The following NRG1 variants were observed in gnomAD, a reference collection of about 807,000 sequenced individuals.
NRG1 encodes the protein neuregulin 1.
In NRG1, 18 loss-of-function variants were observed where a neutral mutation model predicts 63.8. The ratio of observed to expected loss-of-function variants is 0.28; its 90% CI spans 0.19 to 0.42. The LOEUF is 0.42. NRG1 is among the 10% of genes least tolerant of loss of function. NRG1 has a pLI of 1.00. For missense variants in NRG1, 762 were observed against 814.7 expected, an observed-to-expected ratio of 0.94 and a Z score of 0.79; for synonymous variants, 302 against 301.3, an observed-to-expected ratio of 1.00 and a Z score of -0.02.
At chr8:32,172,543 G>A (rs1411564238) in intron 1 of NRG1, among the ~76,000 whole-genome samples, 6 of 152,046 alleles carry the variant, frequency 3.9e-5, no homozygotes, top group African/African-American at 1.4e-4. Context: ...AAACTACTCT[G>A]AGCTAAAGGA....
At chr8:32,095,639 C>G (rs963486792) in intron 1 of NRG1, among the ~76,000 whole-genome samples, 1 of 152,160 alleles carries the variant, frequency 6.6e-6, no homozygotes, top group Non-Finnish European at 1.5e-5. Flanking sequence ...TGCCTTATGA[C>G]TGTCCTGATA....
At chr8:32,314,295 C>T (rs1291915125) in intron 1 of NRG1, among the ~76,000 whole-genome samples, 1 of 152,174 alleles carries the variant, frequency 6.6e-6, no homozygotes, top group Non-Finnish European at 1.5e-5. Context: ...GCTATGCTTA[C>T]AAAAGCTGGG....
chr8:32,687,801 G>T (rs1313666470), intron 5 of NRG1, among the ~76,000 whole-genome samples: 1 of 152,174 alleles, frequency 6.6e-6, no homozygotes, highest in Non-Finnish European at 1.5e-5. Flanking sequence ...TTATCCACGT[G>T]CTGAACATTT....
chr8:31,753,340 A>T (rs944570643), intron 1 of NRG1, among the ~76,000 whole-genome samples: 1 of 148,912 alleles, frequency 6.7e-6, no homozygotes, highest in African/African-American at 2.4e-5. Context: ...GTCATCAAAA[A>T]AAAAACCTGA....
intron 1 of NRG1, among the ~76,000 whole-genome samples, chr8:32,187,440 C>T (rs142207267): frequency 3.0e-4 from 45 of 152,184 alleles, no homozygotes; most frequent in African/African-American, 1.0e-3. Flanking sequence ...TTTTTAACTT[C>T]GTTAACCTAT....
chr8:31,929,080 A>G (rs551173607), intron 1 of NRG1, among the ~76,000 whole-genome samples: 1 of 152,330 alleles, frequency 6.6e-6, no homozygotes, highest in East Asian at 1.9e-4. Context: ...TTGATTCTGG[A>G]TCTGAGACAA....
intron 1 of NRG1, among the ~76,000 whole-genome samples, chr8:31,847,505 T>TA (rs1029967501): frequency 6.6e-6 from 1 of 152,200 alleles, no homozygotes; most frequent in Non-Finnish European, 1.5e-5. Flanking sequence ...TTGAAGCAGC[T>TA]AAAAAACCCT....
At position 32,072,384 on chromosome 8, in the gene NRG1, G is replaced by A. The variant is rs1416907766; in HGVS notation, c.37+432953G>A. Among the ~76,000 whole-genome samples the A allele has an allele frequency of 3.3e-5, 5 of 151,636 alleles. No homozygotes were observed. The South Asian group carries it at 1.0e-3, about 32-fold the overall frequency. On this transcript the variant is annotated intron_variant, in intron 1 of 10. Transcript: ENST00000519301. Reference sequence around the variant, plus strand: ...CTGGGGAAATAAAGTTATAAACTGTGCTGGCAGTAATCTAGGGTGATGCCA... The same window carrying A: ...CTGGGGAAATAAAGTTATAAACTGTACTGGCAGTAATCTAGGGTGATGCCA...
intron 1 of NRG1, among the ~76,000 whole-genome samples, chr8:31,761,792 G>A (rs13279068): frequency 0.74 from 112,777 of 152,124 alleles, 42,308 homozygotes; most frequent in East Asian, 0.99. Context: ...TGTTAGAATT[G>A]CCAAAATGTG....
intron 1 of NRG1, among the ~76,000 whole-genome samples, chr8:32,148,357 G>A (rs1418241945): frequency 6.6e-6 from 1 of 152,110 alleles, no homozygotes; most frequent in African/African-American, 2.4e-5. Context: ...GTTGAACTTA[G>A]CTCCATATAT....
chr8:31,728,002 G>A (rs1043535662), intron 1 of NRG1, among the ~76,000 whole-genome samples: 4 of 152,168 alleles, frequency 2.6e-5, no homozygotes, highest in Non-Finnish European at 1.5e-5. Flanking sequence ...CCGGGTAGGA[G>A]GGGGCAGGAC....
chr8:31,907,953 G>T (rs897480263), intron 1 of NRG1, among the ~76,000 whole-genome samples: 1 of 152,034 alleles, frequency 6.6e-6, no homozygotes, highest in Admixed American at 6.6e-5. Context: ...ACTAATGTCT[G>T]TTAATTTAAA....
intron 1 of NRG1, among the ~76,000 whole-genome samples, chr8:32,400,097 T>C (rs112052225): frequency 1.6e-4 from 24 of 152,322 alleles, no homozygotes; most frequent in African/African-American, 5.8e-4. Flanking sequence ...ACATAAATAC[T>C]TAGGCTGCCA....
intron 1 of NRG1, among the ~76,000 whole-genome samples, chr8:31,958,901 G>A (rs761262477): frequency 5.9e-5 from 9 of 152,244 alleles, no homozygotes; most frequent in South Asian, 2.1e-4. Flanking sequence ...TGAGTATTTC[G>A]TTCCCTGCAA....
chr8:32,440,253 G>A (rs1015786392), intron 1 of NRG1, among the ~76,000 whole-genome samples: 1 of 152,080 alleles, frequency 6.6e-6, no homozygotes, highest in Non-Finnish European at 1.5e-5. Flanking sequence ...GACATGTGGG[G>A]ACTACAATTC....
At chr8:32,068,027 T>A (rs898986138) in intron 1 of NRG1, among the ~76,000 whole-genome samples, 1 of 152,156 alleles carries the variant, frequency 6.6e-6, no homozygotes, top group Non-Finnish European at 1.5e-5. Flanking sequence ...AAACTTGAAT[T>A]GTCATGAAAC....
At chr8:31,704,839 A>G (rs1392835046) in intron 1 of NRG1, among the ~76,000 whole-genome samples, 1 of 151,774 alleles carries the variant, frequency 6.6e-6, no homozygotes, top group Admixed American at 6.6e-5. Flanking sequence ...CTAAAAAAAA[A>G]AAAAAAAAAA....
chr8:32,212,132 C>T (rs904286377), intron 1 of NRG1, among the ~76,000 whole-genome samples: 1 of 151,936 alleles, frequency 6.6e-6, no homozygotes, highest in Admixed American at 6.6e-5. Context: ...CCCAGATCTA[C>T]CACTTAAAAA....
At chr8:31,642,545 ATATTC>A (rs1396638150) in intron 1 of NRG1, among the ~76,000 whole-genome samples, 1 of 151,404 alleles carries the variant, frequency 6.6e-6, no homozygotes, top group East Asian at 1.9e-4. Context: ...TGGAGGAATC[ATATTC>A]TATTCTTGTG....
Sources: allele counts gnomAD v4.1 joint callset (sites outside exome capture counted in the v4.1 genomes callset), GRCh38; gene constraint gnomAD v4.1.1; transcripts MANE v1.5; gene names NCBI Gene and HGNC (gene_info 2026-07-23, HGNC 2026-07-21).